RHOT1: variants seen among roughly 807,000 people sequenced by gnomAD.
RHOT1 encodes the protein ras homolog family member T1, also known as mitochondrial Rho GTPase 1.
RHOT1 carries 27 observed loss-of-function variants against 95.3 expected under a neutral mutation model. The ratio of observed to expected loss-of-function variants is 0.28; its 90% confidence interval spans 0.21 to 0.39. The LOEUF is 0.39. Ranked by LOEUF, RHOT1 falls within the 10% of genes least tolerant of loss-of-function variation. RHOT1 has a pLI of 1.00. For missense variants in RHOT1, 578 were observed against 786.7 expected (o/e 0.73, Z 3.17); for synonymous variants, 227 against 263.5 (o/e 0.86, Z 1.34).
chr17:32,156,571 CTTAATG>C (rs764418155), intron 1 of RHOT1, among the ~76,000 whole-genome samples: 58 of 152,338 alleles, frequency 3.8e-4, no homozygotes, highest in South Asian at 6.2e-4. Context: ...ATGCCCAGCC[CTTAATG>C]TTAATGTGCA....
chr17:32,167,717 A>T (rs949077500), intron 1 of RHOT1, among the ~76,000 whole-genome samples: 4 of 152,194 alleles, frequency 2.6e-5, no homozygotes, highest in East Asian at 1.9e-4. Context: ...CTAGCTATCG[A>T]TGGCATCTTC....
chr17:32,182,761 C>T lies in RHOT1; in HGVS notation c.334C>T (p.Pro112Ser). 1 of 1,573,768 alleles carries T rather than the reference C, an allele frequency of 6.4e-7. No individual in the cohort carries two copies. Among genetic ancestry groups the T allele is most frequent in the Non-Finnish European group, 8.7e-7 (1 of 1,153,440 alleles). The change falls in exon 7 of 20, where the codon CCT (proline) becomes TCT (serine). Residue 112 changes from proline (P) to serine (S), a missense_variant. By Grantham distance (74) the Pro-to-Ser change is moderately conservative. Around this residue, in one of 4 missense-constraint regions of RHOT1, gnomAD observed 227 missense variants for 316.0 expected, o/e 0.72. Coordinates refer to ENST00000545287, the MANE Select transcript of RHOT1 (RefSeq NM_001033566.3). ...NERTDKDSRL[P>S]LILVGNKSDL... is the part of the protein sequence containing the mutation. ...AATGTGCCCTGTTTATTTTAGGCTG[C>T]CTTTAATATTGGTTGGGAACAAATC...
At position 32,175,549 on chromosome 17, in the gene RHOT1, C is replaced by T. The variant is rs376131824; in HGVS notation, c.222+187C>T. 2.8e-4 allele frequency among the ~76,000 whole-genome samples: 43 copies of T among 152,290 alleles called. 3 individuals carry two copies. The East Asian group carries it at 3.5e-3, about 12-fold the overall frequency. ...TTGCCTTATCGCAACCTCCATCTCG[C>T]AGGCTCAAGCGATTCTCATGCCTCA... On this transcript the variant is annotated intron_variant, in intron 4 of 19. Transcript: ENST00000545287.
chr17:32,185,638 G>A (rs1346148231), intron 8 of RHOT1, among the ~76,000 whole-genome samples: 1 of 151,312 alleles, frequency 6.6e-6, no homozygotes, highest in African/African-American at 2.4e-5. Context: ...AAACTCCTAG[G>A]CTCAAGCAAT....
chr17:32,204,118 G>A (rs978626884), intron 16 of RHOT1, 145 bp downstream of exon 16: 14 of 620,588 alleles, frequency 2.3e-5, no homozygotes, highest in South Asian at 1.3e-4. Context: ...TTAGAGACAC[G>A]GTCTCACTAT....
chr17:32,150,670 A>C, intron 1 of RHOT1: 1 of 1,597,626 alleles, frequency 6.3e-7, no homozygotes, highest in Non-Finnish European at 8.6e-7. Context: ...CTCATCAGGA[A>C]GATTATACAG....
At chr17:32,144,969 G>A (rs2031079678) in intron 1 of RHOT1, among the ~76,000 whole-genome samples, 1 of 151,718 alleles carries the variant, frequency 6.6e-6, no homozygotes, top group African/African-American at 2.4e-5. Context: ...CTTCAGCCCA[G>A]GTGACAGAGC....
chr17:32,167,328 ATT>A (rs34426273), intron 1 of RHOT1, among the ~76,000 whole-genome samples: 15 of 144,122 alleles, frequency 1.0e-4, no homozygotes, highest in Non-Finnish European at 1.1e-4. Flanking sequence ...ATTGAGCATA[ATT>A]TTTTTTTTTT....
chr17:32,145,836 G>A (rs1225842858), intron 1 of RHOT1, among the ~76,000 whole-genome samples: 2 of 151,964 alleles, frequency 1.3e-5, no homozygotes, highest in Admixed American at 6.6e-5. Flanking sequence ...GCAACATGAC[G>A]AACCCTCATC....
At chr17:32,155,039 G>T (rs1313323908) in intron 1 of RHOT1, among the ~76,000 whole-genome samples, 1 of 152,104 alleles carries the variant, frequency 6.6e-6, no homozygotes, top group Non-Finnish European at 1.5e-5. Context: ...AGCTGTGATT[G>T]CACCACTGCA....
At chr17:32,174,910 C>T (rs1286830021) in intron 3 of RHOT1, among the ~76,000 whole-genome samples, 1 of 152,186 alleles carries the variant, frequency 6.6e-6, no homozygotes, top group Non-Finnish European at 1.5e-5. Context: ...TTATTACTCC[C>T]ACCTGCTATC....
intron 19 of RHOT1, among the ~76,000 whole-genome samples, chr17:32,211,972 T>C (rs555171544): frequency 1.3e-5 from 2 of 152,258 alleles, no homozygotes; most frequent in African/African-American, 4.8e-5. Context: ...TGTATTCTTA[T>C]GCTGATCATG....
At chr17:32,189,736 CTTT>C (rs71362807) in intron 8 of RHOT1, among the ~76,000 whole-genome samples, 2 of 124,386 alleles carry the variant, frequency 1.6e-5, no homozygotes, top group Admixed American at 8.3e-5. Context: ...CTTTTCTTTT[CTTT>C]TTTTTTTTTT....
chr17:32,191,966 G>T (rs1341412906), intron 8 of RHOT1, among the ~76,000 whole-genome samples: 1 of 152,158 alleles, frequency 6.6e-6, no homozygotes, highest in Non-Finnish European at 1.5e-5. Context: ...TCTTTTCCCT[G>T]TTCTTAGAGG....
intron 7 of RHOT1, 116 bp downstream of exon 7, chr17:32,182,981 C>T (rs1406720262): frequency 2.1e-5 from 17 of 794,930 alleles, no homozygotes; most frequent in African/African-American, 1.9e-4. Flanking sequence ...TGTGAAGTCA[C>T]GTAAACCAAA....
At chr17:32,158,494 C>T (rs1207988126) in intron 1 of RHOT1, among the ~76,000 whole-genome samples, 1 of 151,988 alleles carries the variant, frequency 6.6e-6, no homozygotes, top group Non-Finnish European at 1.5e-5. Flanking sequence ...CTTGCTCTGT[C>T]ACCAGGCTGG....
At chr17:32,202,092 A>G (rs1189201477) in intron 14 of RHOT1, among the ~76,000 whole-genome samples, 2 of 152,064 alleles carry the variant, frequency 1.3e-5, no homozygotes, top group African/African-American at 4.8e-5. Context: ...TTGTATTTTT[A>G]GTAGAGATGG....
Position 32,198,958 on chromosome 17 carries a change from C to A in RHOT1, c.881C>A (p.Pro294His). The A allele has an allele frequency of 6.2e-7, 1 of 1,603,388 alleles. No homozygotes were observed. The highest frequency in any genetic ancestry group is 8.5e-7 in the Non-Finnish European group (1 of 1,172,644). The change falls in exon 12 of 20, where the codon CCT (proline) becomes CAT (histidine). Residue 294 changes from proline (P) to histidine (H), a missense_variant. By Grantham distance (77) the Pro-to-His change is moderately conservative (BLOSUM62 -2). This residue lies in a region of RHOT1 where 227 missense variants were observed against 316.0 expected (regional missense o/e 0.72). Transcript: ENST00000545287. ...AATTTTTTCAACAGGCTGAAAATAC[C>A]TCCTGATTGCACTACTGAATTAAAT... ...PEYLFPLLKI[P>H]PDCTTELNHH...
intron 2 of RHOT1, among the ~76,000 whole-genome samples, chr17:32,171,859 T>C (rs1419229669): frequency 3.3e-5 from 5 of 152,222 alleles, no homozygotes; most frequent in Non-Finnish European, 7.3e-5. Flanking sequence ...AGGATTGTTA[T>C]GGGTCTCAAA....
Sources: gnomAD v4.1 joint callset for allele counts (sites outside exome capture counted in the v4.1 genomes callset) on GRCh38, gnomAD v4.1.1 for gene constraint, gnomAD v4.1.1 regional missense constraint, MANE v1.5 for transcripts, NCBI Gene and HGNC (gene_info 2026-07-23, HGNC 2026-07-21) for gene names.